The following GPRIN3 variants were observed in gnomAD, a reference collection of about 807,000 sequenced individuals.
GPRIN3 encodes GPRIN family member 3.
In GPRIN3, 12 loss-of-function variants were observed where a neutral mutation model predicts 13.7. That is an observed-to-expected ratio of 0.87 (90% CI 0.56 to 1.42). The LOEUF is 1.42. Among genes scored for constraint, GPRIN3 ranks in the 40% most tolerant of loss-of-function variants. The pLI is 0.00. For missense variants in GPRIN3, 1,009 were observed against 958.7 expected (o/e 1.05, Z -0.69); for synonymous variants, 377 against 372.7 (o/e 1.01, Z -0.13).
chr4:89,260,242 G>T (rs2149263732), intron 1 of GPRIN3, among the ~76,000 whole-genome samples: 1 of 152,304 alleles, frequency 6.6e-6, no homozygotes, highest in Non-Finnish European at 1.5e-5. Context: ...AGAGAACACA[G>T]AGAAACCCAG....
At chr4:89,270,163 A>C (rs773670669) in intron 1 of GPRIN3, among the ~76,000 whole-genome samples, 5 of 152,150 alleles carry the variant, frequency 3.3e-5, no homozygotes, top group Non-Finnish European at 7.4e-5. Flanking sequence ...ATAAAAGGGC[A>C]AAAGGAACAG....
rs7672015 is a variant in GPRIN3, at chr4:89,247,674, T to G, written c.*106A>C. ...ATAGCAATTTCCTATAGTGAATACT[T>G]GCTTTTTCTTCCTAGTCTTGCAGCA... On this transcript the variant is annotated 3_prime_UTR_variant, in exon 2 of 2. Transcript: ENST00000609438. 6.9e-6 allele frequency: 8 copies of G among 1,162,366 alleles called. 1 individual carries two copies. In the South Asian group the frequency reaches 1.1e-4, roughly 16 times the overall value. 72.0% of individuals were successfully genotyped at this position (1,162,366 alleles called of 1,614,324 possible).
At chr4:89,275,590 G>A (rs1360276143) in intron 1 of GPRIN3, among the ~76,000 whole-genome samples, 1 of 152,158 alleles carries the variant, frequency 6.6e-6, no homozygotes, top group Admixed American at 6.5e-5. Context: ...GCAGTTTGGT[G>A]CCCTGGCTAA....
chr4:89,267,171 C>A (rs1212364867), intron 1 of GPRIN3, among the ~76,000 whole-genome samples: 1 of 152,162 alleles, frequency 6.6e-6, no homozygotes, highest in Admixed American at 6.5e-5. Context: ...AAACAAGATT[C>A]CTACCAAGTC....
At chr4:89,307,370 G>T (rs376600708) in intron 1 of GPRIN3, among the ~76,000 whole-genome samples, 1 of 151,958 alleles carries the variant, frequency 6.6e-6, no homozygotes, top group Non-Finnish European at 1.5e-5. Context: ...ATCAGCAGGC[G>T]TCTTCTCCCA....
intron 1 of GPRIN3, among the ~76,000 whole-genome samples, chr4:89,255,482 A>G (rs975219585): frequency 2.6e-5 from 4 of 152,212 alleles, no homozygotes; most frequent in Non-Finnish European, 5.9e-5. Flanking sequence ...TGTGATGGGT[A>G]TCAAGAATAT....
intron 1 of GPRIN3, among the ~76,000 whole-genome samples, chr4:89,304,109 C>T (rs1340734983): frequency 2.0e-5 from 3 of 152,224 alleles, no homozygotes; most frequent in Non-Finnish European, 4.4e-5. Flanking sequence ...TCCCCCTCCT[C>T]CTTGAAGCCT....
chr4:89,278,281 A>G (rs1724149933), intron 1 of GPRIN3, among the ~76,000 whole-genome samples: 1 of 152,162 alleles, frequency 6.6e-6, no homozygotes, highest in Non-Finnish European at 1.5e-5. Context: ...AATTTTCAAA[A>G]ATCTCTCCCT....
chr4:89,264,591 G>A (rs1424837632), intron 1 of GPRIN3, among the ~76,000 whole-genome samples: 1 of 152,116 alleles, frequency 6.6e-6, no homozygotes, highest in Non-Finnish European at 1.5e-5. Flanking sequence ...TTATGTAGGA[G>A]CTCATGGGGA....
At position 89,244,274 on chromosome 4, in the gene GPRIN3, A is replaced by G. The variant is rs961885009; in HGVS notation, c.*3506T>C. 1.3e-5 allele frequency: 2 copies of G among 152,202 alleles called. No individual in the cohort carries two copies. The highest frequency in any genetic ancestry group is 2.9e-5 in the Non-Finnish European group (2 of 68,024). 9.4% of individuals were successfully genotyped at this position (152,202 alleles called of 1,614,324 possible). ...CCAACCTCTAAGGTATATGTTACACATGCATATTTAGTTCAATTTATTTCA... is the reference window on the plus strand; with the variant it reads ...CCAACCTCTAAGGTATATGTTACACGTGCATATTTAGTTCAATTTATTTCA... On this transcript the variant is annotated 3_prime_UTR_variant, in exon 2 of 2. Coordinates refer to ENST00000609438, the MANE Select transcript of GPRIN3 (RefSeq NM_198281.3).
chr4:89,237,019 CTTA>C lies in GPRIN3; in HGVS notation c.*10758_*10760del, dbSNP rs1212461072. ...AATAATCTTTGGCAATGACATTCTG[CTTA>C]TTATTATTTTTAATGGCAGGTCAAG... On this transcript the variant is annotated 3_prime_UTR_variant, in exon 2 of 2. Coordinates refer to ENST00000609438, the MANE Select transcript of GPRIN3 (RefSeq NM_198281.3). 1 of 152,022 alleles carries C rather than the reference CTTA, an allele frequency of 6.6e-6. No homozygotes were observed. Among genetic ancestry groups the C allele is most frequent in the East Asian group, 1.9e-4 (1 of 5,170 alleles). 9.4% of individuals were successfully genotyped at this position (152,022 alleles called of 1,614,324 possible). A position where few individuals can be genotyped will look rare whatever the true frequency, so the allele number is the denominator to read the frequency against.
At chr4:89,302,639 A>C (rs1724929497) in intron 1 of GPRIN3, among the ~76,000 whole-genome samples, 1 of 152,184 alleles carries the variant, frequency 6.6e-6, no homozygotes, top group South Asian at 2.1e-4. Context: ...CCCAGTTAAA[A>C]AGCTGTGAAA....
intron 1 of GPRIN3, among the ~76,000 whole-genome samples, chr4:89,276,622 A>T (rs1724100982): frequency 6.6e-6 from 1 of 152,240 alleles, no homozygotes; most frequent in African/African-American, 2.4e-5. Context: ...TAAAAGAAGA[A>T]GATAATGTGA....
chr4:89,303,771 A>G (rs976345081), intron 1 of GPRIN3, among the ~76,000 whole-genome samples: 1 of 149,176 alleles, frequency 6.7e-6, no homozygotes, highest in Admixed American at 6.7e-5. Context: ...ATTTATATAT[A>G]AAAAATATAA....
intron 1 of GPRIN3, among the ~76,000 whole-genome samples, chr4:89,303,052 A>C (rs76622673): frequency 0.014 from 2,072 of 152,324 alleles, 56 homozygotes; most frequent in South Asian, 0.086. Flanking sequence ...CCCACCAAGA[A>C]AATGTTCAGG....
In GPRIN3 at chr4:89,240,685, T is replaced by C. The variant is rs555323973; in HGVS notation, c.*7095A>G. On this transcript the variant is annotated 3_prime_UTR_variant, in exon 2 of 2. Coordinates refer to ENST00000609438, the MANE Select transcript of GPRIN3 (RefSeq NM_198281.3). ...TTGCTGGAGTTTTCTAAGCACAAAA[T>C]CTGCTACCAGGGAGTAACACCATTA... The C allele has an allele frequency of 3.2e-4, 48 of 152,304 alleles. No homozygotes were observed. Among genetic ancestry groups the C allele is most frequent in the African/African-American group, 1.1e-3 (45 of 41,572 alleles). The allele number at this position is 152,304 out of a possible 1,614,324, so 9.4% of individuals were successfully genotyped here.
rs1265040962 is a variant in GPRIN3, at chr4:89,238,295, A to G, written c.*9485T>C. Reference sequence around the variant, plus strand: ...ATGAATTGAAGATATTCAAGGAGGTAAAAAGGGATCAAACTGTAGTGCTAG... The same window carrying G: ...ATGAATTGAAGATATTCAAGGAGGTGAAAAGGGATCAAACTGTAGTGCTAG... On this transcript the variant is annotated 3_prime_UTR_variant, in exon 2 of 2. Coordinates refer to ENST00000609438, the MANE Select transcript of GPRIN3 (RefSeq NM_198281.3). 1 of 152,188 alleles carries G rather than the reference A, an allele frequency of 6.6e-6. No individual in the cohort carries two copies. The highest frequency in any genetic ancestry group is 2.4e-5 in the African/African-American group (1 of 41,438). 9.4% of individuals were successfully genotyped at this position (152,188 alleles called of 1,614,324 possible).
chr4:89,261,283 C>T (rs1027710386), intron 1 of GPRIN3, among the ~76,000 whole-genome samples: 3 of 152,154 alleles, frequency 2.0e-5, no homozygotes, highest in Admixed American at 2.0e-4. Flanking sequence ...CTCCCCAGAT[C>T]CCAGTAGTGC....
chr4:89,274,158 A>G (rs1024497019), intron 1 of GPRIN3, among the ~76,000 whole-genome samples: 1 of 152,240 alleles, frequency 6.6e-6, no homozygotes, highest in Non-Finnish European at 1.5e-5. Flanking sequence ...GAAAGAATCT[A>G]GCACGTACAG....
Sources: gnomAD v4.1 joint callset for allele counts (sites outside exome capture counted in the v4.1 genomes callset) on GRCh38, gnomAD v4.1.1 for gene constraint, MANE v1.5 for transcripts, NCBI Gene and HGNC (gene_info 2026-07-23, HGNC 2026-07-21) for gene names.